VPS13D: variants seen among roughly 807,000 people sequenced by gnomAD.
VPS13D encodes the protein vacuolar protein sorting 13 homolog D, also known as intermembrane lipid transfer protein VPS13D.
Under a neutral mutation model 461.9 loss-of-function variants are expected in VPS13D, and 187 were observed. That is an observed-to-expected ratio of 0.40 (90% CI 0.36 to 0.46). The LOEUF is 0.46. Among genes scored for constraint, VPS13D ranks in the 20% least tolerant of loss-of-function variants. VPS13D has a pLI of 0.60. For missense variants in VPS13D, 4,711 were observed against 5,364.9 expected (o/e 0.88, Z 3.81); for synonymous variants, 1,951 against 1,986.3 (o/e 0.98, Z 0.47).
Position 12,366,932 on chromosome 1 carries a change from C to T in VPS13D, c.10449-1536C>T, listed in dbSNP as rs540214802. ...CTCACTTATCACCCAAAAATAGGGA[C>T]ATTTTTCTAATTAAATATAATACTA... On this transcript the variant is annotated intron_variant, in intron 52 of 69. Transcript: ENST00000620676. Among the ~76,000 whole-genome samples, 10 of 152,258 alleles carry T rather than the reference C, an allele frequency of 6.6e-5. No homozygotes were observed. In the East Asian group the frequency reaches 1.9e-3, roughly 29 times the overall value.
intron 27 of VPS13D, among the ~76,000 whole-genome samples, 174 bp from the exon 28 acceptor site, chr1:12,311,280 C>G (rs1463409308): frequency 6.6e-6 from 1 of 152,070 alleles, no homozygotes; most frequent in Non-Finnish European, 1.5e-5. Context: ...TGAAGCATGA[C>G]AGTCATATTA....
rs1203675942 is a variant in VPS13D at position 12,473,391 on chromosome 1, G to A, written c.12662+12995G>A. The stretch of plus-strand genomic sequence containing the variant: ...TTTGCAGGAAGCAAGAAGGGGTTCC[G>A]CAGCACTGGCTGCTTCCGGCATCTG... On this transcript the variant is annotated intron_variant, in intron 67 of 69. Transcript: ENST00000620676. This position sits in a 1 kb window ranked among gnomAD's most constrained non-coding sequence, Gnocchi z 4.2. 3.3e-5 allele frequency among the ~76,000 whole-genome samples: 5 copies of A among 152,230 alleles called. No homozygotes were observed. The highest frequency in any genetic ancestry group is 1.2e-4 in the African/African-American group (5 of 41,462).
intron 65 of VPS13D, among the ~76,000 whole-genome samples, chr1:12,453,248 C>G (rs920866771): frequency 6.6e-6 from 1 of 151,778 alleles, no homozygotes; most frequent in African/African-American, 2.4e-5. Flanking sequence ...GGTATTCTGC[C>G]TAGATTATTC....
At chr1:12,268,180 G>A (rs1454714062) in intron 15 of VPS13D, among the ~76,000 whole-genome samples, 1 of 149,782 alleles carries the variant, frequency 6.7e-6, no homozygotes, top group Non-Finnish European at 1.5e-5. Context: ...GAACTCCTGA[G>A]CTCAAGCCAC....
In VPS13D at chr1:12,458,275, T is replaced by G. The variant is rs528387078; in HGVS notation, c.12467-1926T>G. On this transcript the variant is annotated intron_variant, in intron 66 of 69. Transcript: ENST00000620676. ...AAGAACCAGAATCCACTCAATCCCC[T>G]TGATGTAAGAAATGGGAATTGTGCT... 4.3e-4 allele frequency among the ~76,000 whole-genome samples: 66 copies of G among 152,298 alleles called. 1 individual carries two copies. The highest frequency in any genetic ancestry group is 1.5e-3 in the African/African-American group (62 of 41,572).
Position 12,258,006 on chromosome 1 carries a change from C to T in VPS13D, c.1013C>T (p.Thr338Ile). ...YEIREQRKRCTWDFMLHRARD... is the reference protein window; with the variant it reads ...YEIREQRKRCIWDFMLHRARD... ...ATCAGAGAGCAGAGGAAACGTTGCA[C>T]CTGGGACTTTATGTTGCACCGCGCT... The change falls in exon 10 of 70, where the codon ACC becomes ATC. Residue 338 changes from threonine (T) to isoleucine (I), a missense_variant. Around this residue, in one of 3 missense-constraint regions of VPS13D, gnomAD observed 4,411 missense variants for 4,937.8 expected, o/e 0.89. Transcript: ENST00000620676. 1.2e-6 allele frequency: 2 copies of T among 1,614,162 alleles called. No individual in the cohort carries two copies. The highest frequency in any genetic ancestry group is 1.7e-6 in the Non-Finnish European group (2 of 1,180,044).
intron 63 of VPS13D, among the ~76,000 whole-genome samples, chr1:12,405,786 A>T (rs1321614477): frequency 1.3e-5 from 2 of 152,220 alleles, no homozygotes; most frequent in Non-Finnish European, 2.9e-5. Flanking sequence ...AGCACTTGGC[A>T]CTTGCCCAGC....
chr1:12,309,525 C>T (rs1328338262), intron 27 of VPS13D, among the ~76,000 whole-genome samples: 2 of 147,774 alleles, frequency 1.4e-5, no homozygotes, highest in African/African-American at 2.5e-5. Flanking sequence ...TTTGGGAGGT[C>T]GAGGCGGCAG....
chr1:12,413,408 G>A (rs995880191), intron 63 of VPS13D, among the ~76,000 whole-genome samples: 2 of 152,060 alleles, frequency 1.3e-5, no homozygotes, highest in Non-Finnish European at 2.9e-5. Context: ...AGGAGGTCCA[G>A]GCTGCAGTGA....
Position 12,276,088 on chromosome 1 carries a change from A to C in VPS13D, c.2500A>C (p.Asn834His). 1 of 1,614,100 alleles carries C rather than the reference A, an allele frequency of 6.2e-7. No homozygotes were observed. The highest frequency in any genetic ancestry group is 2.2e-5 in the East Asian group (1 of 44,860). Residue 834 changes from asparagine to histidine, a missense_variant, in exon 19 of 70, where the codon AAT (asparagine) becomes CAT (histidine). Transcript: ENST00000620676. This position sits in a 1 kb window ranked among gnomAD's most constrained non-coding sequence, Gnocchi z 4.5. ...GATCATGGTTGGACGAGTGAAAGAC[A>C]ATTGGAAGCATGTCCAGGATATTGA... ...LQIMVGRVKD[N>H]WKHVQDIDVG...
chr1:12,351,271 C>T (rs1218337495), intron 46 of VPS13D, among the ~76,000 whole-genome samples: 2 of 152,090 alleles, frequency 1.3e-5, no homozygotes, highest in African/African-American at 4.8e-5. Flanking sequence ...TGAAGAGGTG[C>T]AAATATCATT....
chr1:12,390,129 G>C (rs1424746366), intron 60 of VPS13D, among the ~76,000 whole-genome samples: 1 of 152,198 alleles, frequency 6.6e-6, no homozygotes, highest in Non-Finnish European at 1.5e-5. Flanking sequence ...TCTAAGCCAG[G>C]AGAACTAATG....
At chr1:12,419,675 A>C (rs552781524) in intron 65 of VPS13D, among the ~76,000 whole-genome samples, 27 of 152,308 alleles carry the variant, frequency 1.8e-4, no homozygotes, top group African/African-American at 6.3e-4. Context: ...TAATCCATTC[A>C]TAAGAAATCC....
At chr1:12,323,628 T>G (rs898110368) in intron 34 of VPS13D, 78 bp from the exon 35 acceptor site, 5 of 1,425,810 alleles carry the variant, frequency 3.5e-6, no homozygotes, top group Non-Finnish European at 4.8e-6. Flanking sequence ...TAAATTTCTT[T>G]TCTTTTTTTC....
intron 65 of VPS13D, among the ~76,000 whole-genome samples, chr1:12,436,630 A>G (rs1645064263): frequency 6.6e-6 from 1 of 152,136 alleles, no homozygotes; most frequent in African/African-American, 2.4e-5. Context: ...TAATCTGCAT[A>G]TATACAATGT....
At chr1:12,419,430 T>A (rs1229015628) in intron 65 of VPS13D, among the ~76,000 whole-genome samples, 1 of 152,122 alleles carries the variant, frequency 6.6e-6, no homozygotes, top group East Asian at 1.9e-4. Flanking sequence ...ACTGGGTAAT[T>A]TATAAGAAAA....
chr1:12,414,413 A>T (rs185422776), intron 63 of VPS13D, among the ~76,000 whole-genome samples: 1 of 152,170 alleles, frequency 6.6e-6, no homozygotes, highest in Admixed American at 6.5e-5. Flanking sequence ...TATTCTTGCA[A>T]TGGAGTATTT....
intron 6 of VPS13D, among the ~76,000 whole-genome samples, chr1:12,251,756 G>A (rs769338657): frequency 1.1e-4 from 17 of 152,080 alleles, no homozygotes; most frequent in Admixed American, 7.2e-4. Flanking sequence ...GCATCAAAAC[G>A]TTCAGCAGCT....
chr1:12,394,748 G>A (rs1028244804), intron 60 of VPS13D, among the ~76,000 whole-genome samples: 2 of 151,998 alleles, frequency 1.3e-5, no homozygotes, highest in Non-Finnish European at 2.9e-5. Context: ...AACCAAAGGA[G>A]ATCACACATT....
Sources: gnomAD v4.1 joint callset for allele counts (sites outside exome capture counted in the v4.1 genomes callset) on GRCh38, gnomAD v4.1.1 for gene constraint, gnomAD v4.1.1 regional missense constraint, Gnocchi (gnomAD v3.1) non-coding constraint, MANE v1.5 for transcripts, NCBI Gene and HGNC (gene_info 2026-07-23, HGNC 2026-07-21) for gene names.